The following PXDNL variants were observed in gnomAD, a reference collection of about 807,000 sequenced individuals.
PXDNL encodes peroxidasin like.
In PXDNL, 145 loss-of-function variants were observed where a neutral mutation model predicts 150.8. The ratio of observed to expected loss-of-function variants is 0.96; its 90% CI spans 0.84 to 1.10. The LOEUF (loss-of-function observed/expected upper bound fraction) is 1.10, where lower values mean the gene tolerates loss of function less well. Ranked by LOEUF, PXDNL falls within the 50% of genes least tolerant of loss-of-function variation. The pLI is 0.00. For synonymous variants in PXDNL, 757 were observed against 725.7 expected, an observed-to-expected ratio of 1.04 and a Z score of -0.69; for missense variants, 2,087 against 1,873.9, an observed-to-expected ratio of 1.11 and a Z score of -2.10.
At chr8:51,355,873 T>G (rs1472404873) in intron 19 of PXDNL, among the ~76,000 whole-genome samples, 1 of 152,222 alleles carries the variant, frequency 6.6e-6, no homozygotes, top group African/African-American at 2.4e-5. Context: ...GCATTTGCAA[T>G]TTTTTAGGAC....
chr8:51,326,216 G>A (rs977647001), intron 21 of PXDNL, among the ~76,000 whole-genome samples: 6 of 152,120 alleles, frequency 3.9e-5, no homozygotes, highest in East Asian at 1.9e-4. Context: ...ATCAAGAGGC[G>A]TCTGTGTGCG....
intron 17 of PXDNL, among the ~76,000 whole-genome samples, chr8:51,390,266 T>C (rs944640412): frequency 9.9e-5 from 15 of 152,210 alleles, no homozygotes; most frequent in Non-Finnish European, 1.8e-4. Context: ...CTTAGGCTCA[T>C]AAGTATTTGC....
At position 51,371,900 on chromosome 8, in the gene PXDNL, G is replaced by T. The variant is rs1221432554; in HGVS notation, c.3874C>A (p.Leu1292Met). 4.3e-6 allele frequency: 7 copies of T among 1,613,814 alleles called. No individual in the cohort carries two copies. In the East Asian group the frequency reaches 1.6e-4, roughly 36 times the overall value. Residue 1292 changes from leucine to methionine, a missense_variant, in exon 19 of 23, where the codon CTG becomes ATG. Transcript: ENST00000356297. ...LNCSEIPKVD[L>M]RVWQDCCADC... ...GCACAGCAGTCTTGCCACACTCGCAGGTCCACCTTCGGGATCTCGCTGCAG... is the reference window on the plus strand; with the variant it reads ...GCACAGCAGTCTTGCCACACTCGCATGTCCACCTTCGGGATCTCGCTGCAG...
intron 1 of PXDNL, among the ~76,000 whole-genome samples, chr8:51,691,182 C>T (rs943076099): frequency 6.6e-6 from 1 of 152,226 alleles, no homozygotes; most frequent in Non-Finnish European, 1.5e-5. Context: ...AATTAGATCC[C>T]ATTTGTCAAT....
intron 17 of PXDNL, among the ~76,000 whole-genome samples, chr8:51,389,930 C>G (rs578171369): frequency 6.6e-6 from 1 of 152,000 alleles, no homozygotes; most frequent in East Asian, 1.9e-4. Flanking sequence ...GCAAGAAAAA[C>G]AAAGAAAAGG....
chr8:51,526,348 T>G (rs58878314), intron 4 of PXDNL, among the ~76,000 whole-genome samples: 1 of 150,298 alleles, frequency 6.7e-6, no homozygotes, highest in Non-Finnish European at 1.5e-5. Context: ...TTTTTTTTTC[T>G]TTTTTTTTTA....
intron 1 of PXDNL, among the ~76,000 whole-genome samples, chr8:51,732,109 T>C (rs868647148): frequency 5.3e-5 from 8 of 152,232 alleles, no homozygotes; most frequent in Admixed American, 6.5e-5. Context: ...AACTTTTATG[T>C]TGTACTTCCC....
intron 1 of PXDNL, among the ~76,000 whole-genome samples, chr8:51,714,191 C>G (rs138349985): frequency 2.6e-5 from 4 of 152,172 alleles, no homozygotes; most frequent in Admixed American, 6.5e-5. Context: ...ATCCTCTAGG[C>G]CTTATATTTT....
rs142353774 is a variant in PXDNL, at chr8:51,561,642, G to A, written c.309-4731C>T. On this transcript the variant is annotated intron_variant, in intron 3 of 22. Transcript: ENST00000356297. ...GGTCACAAGAAGACAAATACTATGT[G>A]ATTCCTCTTGTATGAGGAAGATAGA... 2.9e-3 allele frequency among the ~76,000 whole-genome samples: 435 copies of A among 151,994 alleles called. 2 individuals carry two copies. Among genetic ancestry groups the A allele is most frequent in the Non-Finnish European group, 4.7e-3 (321 of 67,908 alleles).
At chr8:51,552,053 T>C (rs1477226344) in intron 4 of PXDNL, among the ~76,000 whole-genome samples, 1 of 152,062 alleles carries the variant, frequency 6.6e-6, no homozygotes, top group African/African-American at 2.4e-5. Context: ...GGTATACAAA[T>C]GGCCAACAAA....
At chr8:51,411,172 G>A (rs2130896742) in intron 16 of PXDNL, 78 bp downstream of exon 16, 2 of 1,181,970 alleles carry the variant, frequency 1.7e-6, no homozygotes, top group Middle Eastern at 2.5e-4. Flanking sequence ...GAGATTAAAA[G>A]TTCAGTGTCC....
At position 51,596,461 on chromosome 8, in the gene PXDNL, T is replaced by C. The variant is rs183266176; in HGVS notation, c.237-3763A>G. Among the ~76,000 whole-genome samples, 402 of 152,334 alleles carry C rather than the reference T, an allele frequency of 2.6e-3. 3 individuals carry two copies. The highest frequency in any genetic ancestry group is 6.8e-3 in the Middle Eastern group (2 of 294). On this transcript the variant is annotated intron_variant, in intron 2 of 22. Transcript: ENST00000356297. The stretch of plus-strand genomic sequence containing the variant: ...ACTGGTAGTTCTGTTTTAAATTCTT[T>C]GAGCAATCTCCAACCTGCTTTCCAC...
At chr8:51,436,797 A>G (rs1809418081) in intron 12 of PXDNL, among the ~76,000 whole-genome samples, 1 of 152,098 alleles carries the variant, frequency 6.6e-6, no homozygotes, top group African/African-American at 2.4e-5. Flanking sequence ...ACCTCAAGGA[A>G]CTAGAGAAAG....
intron 4 of PXDNL, among the ~76,000 whole-genome samples, chr8:51,506,825 G>A (rs887499153): frequency 2.6e-5 from 4 of 152,114 alleles, no homozygotes; most frequent in Non-Finnish European, 5.9e-5. Context: ...GTCTTTAGCA[G>A]GAATTCAAGG....
chr8:51,400,444 A>C (rs2130861687), intron 17 of PXDNL, among the ~76,000 whole-genome samples: 1 of 152,264 alleles, frequency 6.6e-6, no homozygotes, highest in African/African-American at 2.4e-5. Flanking sequence ...CCTGTTTATA[A>C]CTTCTAAAAC....
chr8:51,469,898 G>C (rs968637208), intron 8 of PXDNL, among the ~76,000 whole-genome samples: 1 of 151,874 alleles, frequency 6.6e-6, no homozygotes, highest in Non-Finnish European at 1.5e-5. Flanking sequence ...TTAACATTTT[G>C]ACAGACATTT....
chr8:51,744,837 A>AAAGG (rs1203942817), intron 1 of PXDNL, among the ~76,000 whole-genome samples: 1 of 150,478 alleles, frequency 6.6e-6, no homozygotes, highest in Non-Finnish European at 1.5e-5. Context: ...GACAGAAAGA[A>AAAGG]AAGGAAGGAA....
chr8:51,735,323 A>C (rs957530316), intron 1 of PXDNL, among the ~76,000 whole-genome samples: 1 of 151,512 alleles, frequency 6.6e-6, no homozygotes, highest in Admixed American at 6.6e-5. Context: ...TCTACTAAAA[A>C]AAAAGACAAA....
In PXDNL at chr8:51,583,069, A is replaced by T. The variant is rs565422779; in HGVS notation, c.308+9558T>A. On this transcript the variant is annotated intron_variant, in intron 3 of 22. Coordinates refer to ENST00000356297, the MANE Select transcript of PXDNL (RefSeq NM_144651.5). ...TCAATTATTTAAATATTTTTCTCACAGGGAACCAAAGTAAATTTTGTGAGT... is the reference window on the plus strand; with the variant it reads ...TCAATTATTTAAATATTTTTCTCACTGGGAACCAAAGTAAATTTTGTGAGT... Among the ~76,000 whole-genome samples the T allele has an allele frequency of 2.0e-5, 3 of 152,334 alleles. No individual in the cohort carries two copies. In the South Asian group the frequency reaches 6.2e-4, roughly 32 times the overall value.
Sources: allele counts gnomAD v4.1 joint callset (sites outside exome capture counted in the v4.1 genomes callset), GRCh38; gene constraint gnomAD v4.1.1; transcripts MANE v1.5; gene names NCBI Gene and HGNC (gene_info 2026-07-23, HGNC 2026-07-21).